The following PRTG variants were observed in gnomAD, a reference collection of about 807,000 sequenced individuals.
The protein encoded by PRTG is protogenin, also known as immunoglobulin superfamily, DCC subclass, member 5.
PRTG carries 67 observed loss-of-function variants against 122.5 expected under a neutral mutation model. The observed-to-expected ratio is 0.55, with a 90% confidence interval of 0.45 to 0.67. The LOEUF (loss-of-function observed/expected upper bound fraction) is 0.67, where lower values mean the gene tolerates loss of function less well. PRTG is among the 30% of genes least tolerant of loss of function. The pLI, the probability that PRTG is intolerant of heterozygous loss-of-function variation, is 0.00. For synonymous variants in PRTG, 554 were observed against 501.1 expected (o/e 1.11, Z -1.41); for missense variants, 1,435 against 1,415.4 (o/e 1.01, Z -0.22).
intron 5 of PRTG, 121 bp from the exon 6 acceptor site, chr15:55,680,333 G>C: frequency 8.9e-7 from 1 of 1,118,966 alleles, no homozygotes; most frequent in African/African-American, 1.6e-5. Flanking sequence ...AATTCTCCAT[G>C]TTAAGACCTT....
intron 2 of PRTG, among the ~76,000 whole-genome samples, chr15:55,702,033 G>A (rs1332604100): frequency 6.6e-6 from 1 of 152,070 alleles, no homozygotes; most frequent in African/African-American, 2.4e-5. Flanking sequence ...CTCTACACAT[G>A]TGTTAAAATT....
At position 55,673,381 on chromosome 15, in the gene PRTG, T is replaced by G; in HGVS notation, c.1842A>C (p.Thr614=). Residue 614 remains threonine (T), a synonymous_variant, in exon 10 of 20, where the codon ACA becomes ACC. Transcript: ENST00000389286. ...VWTSHRTPKA[T]SVKAPKSPEL... is the part of the protein sequence containing the mutation. ...TCTTCAGAAATTCACCTTTCACGCTTGTAGCTTTGGGCGTCCTATGTGAAG... is the reference window on the plus strand; with the variant it reads ...TCTTCAGAAATTCACCTTTCACGCTGGTAGCTTTGGGCGTCCTATGTGAAG... The G allele has an allele frequency of 1.2e-6, 2 of 1,611,504 alleles. No homozygotes were observed. The highest frequency in any genetic ancestry group is 1.7e-6 in the Non-Finnish European group (2 of 1,177,746).
chr15:55,648,765 G>T (rs531331504), intron 11 of PRTG, among the ~76,000 whole-genome samples: 79 of 152,274 alleles, frequency 5.2e-4, no homozygotes, highest in African/African-American at 1.9e-3. Flanking sequence ...TCTTGGATAA[G>T]TATTTGCCAT....
Position 55,650,370 on chromosome 15 carries a change from C to A in PRTG, c.2042-9162G>T, listed in dbSNP as rs150032014. Reference sequence around the variant, plus strand: ...TACTTGGAGAGTGGGCAGGGCTTCACAGAGGAGGTGGCATTTGAGCAGAAC... The same window carrying A: ...TACTTGGAGAGTGGGCAGGGCTTCAAAGAGGAGGTGGCATTTGAGCAGAAC... On this transcript the variant is annotated intron_variant, in intron 11 of 19. Coordinates refer to ENST00000389286, the MANE Select transcript of PRTG (RefSeq NM_173814.6). Among the ~76,000 whole-genome samples, 358 of 152,284 alleles carry A rather than the reference C, an allele frequency of 2.4e-3. 4 individuals are homozygous for A. Among genetic ancestry groups the A allele is most frequent in the African/African-American group, 8.0e-3 (333 of 41,560 alleles).
At chr15:55,676,980 T>A (rs186351268) in intron 8 of PRTG, among the ~76,000 whole-genome samples, 126 of 152,282 alleles carry the variant, frequency 8.3e-4, no homozygotes, top group African/African-American at 2.8e-3. Context: ...TTTTATTATA[T>A]CCCCATCCTT....
intron 13 of PRTG, 73 bp downstream of exon 13, chr15:55,639,569 G>T (rs953618635): frequency 1.5e-6 from 2 of 1,359,040 alleles, no homozygotes; most frequent in Admixed American, 3.8e-5. Flanking sequence ...GCCCAAGATG[G>T]TAAGAGGTAG....
At chr15:55,694,416 T>G (rs2059621254) in intron 2 of PRTG, among the ~76,000 whole-genome samples, 2 of 152,144 alleles carry the variant, frequency 1.3e-5, no homozygotes, top group Admixed American at 1.3e-4. Flanking sequence ...TCTCACTCTT[T>G]GGGTAAACAT....
intron 2 of PRTG, among the ~76,000 whole-genome samples, chr15:55,711,172 T>C (rs2030372275): frequency 6.6e-6 from 1 of 151,966 alleles, no homozygotes; most frequent in Non-Finnish European, 1.5e-5. Context: ...TCCACCTGCT[T>C]TGGCCTCCCA....
chr15:55,682,379 G>A lies in PRTG; in HGVS notation c.661C>T (p.Leu221=), dbSNP rs1246179671. The A allele has an allele frequency of 2.5e-6, 4 of 1,599,736 alleles. No homozygotes were observed. In the African/African-American group the frequency reaches 4.0e-5, roughly 16 times the overall value. The change falls in exon 4 of 20, where the codon CTA becomes TTA. Residue 221 remains leucine, a synonymous_variant. Coordinates refer to ENST00000389286, the MANE Select transcript of PRTG (RefSeq NM_173814.6). ...TGCGTGGTACCTGGAATCACAGTTA[G>A]CGAGGCCTCCATACTTTTACGTCGG... The part of the protein sequence containing the change: ...AHRRKSMEAS[L]TVIPAKESKS...
intron 2 of PRTG, among the ~76,000 whole-genome samples, chr15:55,698,883 G>A (rs1389206804): frequency 1.3e-5 from 2 of 151,612 alleles, no homozygotes; most frequent in South Asian, 2.1e-4. Context: ...GAGTGCGGGG[G>A]TGGGGGAGAT....
intron 11 of PRTG, among the ~76,000 whole-genome samples, chr15:55,671,119 C>T (rs928739921): frequency 8.5e-5 from 13 of 152,128 alleles, no homozygotes; most frequent in African/African-American, 3.1e-4. Context: ...AGTTCTGTGT[C>T]CCTGCATCTG....
intron 15 of PRTG, among the ~76,000 whole-genome samples, chr15:55,636,681 C>G (rs1005924558): frequency 6.6e-6 from 1 of 151,782 alleles, no homozygotes; most frequent in African/African-American, 2.4e-5. Context: ...GAGTCTTGTT[C>G]TTGTTGCCCA....
rs986740382 is a variant in PRTG at position 55,732,458 on chromosome 15, T to A, written c.397+7924A>T. ...CCTCAGGCTTCCAGAGTGCTGGGATTACAGGTATGAGCAACTGCGCCTGGC... is the reference window on the plus strand; with the variant it reads ...CCTCAGGCTTCCAGAGTGCTGGGATAACAGGTATGAGCAACTGCGCCTGGC... On this transcript the variant is annotated intron_variant, in intron 2 of 19. Coordinates refer to ENST00000389286, the MANE Select transcript of PRTG (RefSeq NM_173814.6). Among the ~76,000 whole-genome samples the A allele has an allele frequency of 2.7e-4, 41 of 151,380 alleles. 1 individual carries two copies. The highest frequency in any genetic ancestry group is 2.9e-5 in the Non-Finnish European group (2 of 67,964).
intron 2 of PRTG, among the ~76,000 whole-genome samples, chr15:55,737,850 GCTTA>G (rs1423224389): frequency 6.6e-6 from 1 of 151,206 alleles, no homozygotes; most frequent in Admixed American, 6.6e-5. Context: ...AAAAAAATAT[GCTTA>G]CTGACAAAAT....
chr15:55,696,613 G>A (rs1265245772), intron 2 of PRTG, among the ~76,000 whole-genome samples: 1 of 152,176 alleles, frequency 6.6e-6, no homozygotes, highest in African/African-American at 2.4e-5. Flanking sequence ...GACTAGGCAA[G>A]AAGCTATTTG....
At chr15:55,650,717 C>A (rs2059348838) in intron 11 of PRTG, among the ~76,000 whole-genome samples, 1 of 152,122 alleles carries the variant, frequency 6.6e-6, no homozygotes, top group South Asian at 2.1e-4. Flanking sequence ...GTAATCCCAG[C>A]ACTTTGGGAG....
At position 55,641,135 on chromosome 15, in the gene PRTG, A is replaced by G. The variant is rs754630407; in HGVS notation, c.2115T>C (p.Thr705=). 1.9e-6 allele frequency: 3 copies of G among 1,613,688 alleles called. No individual in the cohort carries two copies. Among genetic ancestry groups the G allele is most frequent in the Non-Finnish European group, 2.5e-6 (3 of 1,179,694 alleles). ...TACACACGCATCCTGGAGTGCTGAC[A>G]GTCTGATCTGCCTGATAGCCATCGT... ...NIDDGYQADQ[T]VSTPGCVSVR... The change falls in exon 12 of 20, where the codon ACT becomes ACC. Residue 705 remains threonine, a synonymous_variant. Transcript: ENST00000389286.
At chr15:55,652,002 T>C (rs2059355638) in intron 11 of PRTG, among the ~76,000 whole-genome samples, 1 of 152,202 alleles carries the variant, frequency 6.6e-6, no homozygotes, top group Admixed American at 6.5e-5. Flanking sequence ...GAATGCCCTC[T>C]GCCACTTTTC....
At chr15:55,629,027 T>C (rs767806627) in intron 15 of PRTG, 23 bp from the exon 16 acceptor site, 2 of 1,513,892 alleles carry the variant, frequency 1.3e-6, no homozygotes, top group East Asian at 4.5e-5. Context: ...CAATTACAAA[T>C]TAAGTGAACA....
Sources: gnomAD v4.1 joint callset for allele counts (sites outside exome capture counted in the v4.1 genomes callset) on GRCh38, gnomAD v4.1.1 for gene constraint, MANE v1.5 for transcripts, NCBI Gene and HGNC (gene_info 2026-07-23, HGNC 2026-07-21) for gene names.